The following FMNL3 variants were observed in gnomAD, a reference collection of about 807,000 sequenced individuals.
FMNL3 encodes the protein formin-like protein 3.
A neutral mutation model predicts 119.6 loss-of-function variants in FMNL3; 57 were observed. The ratio of observed to expected loss-of-function variants is 0.48; its 90% confidence interval spans 0.39 to 0.59. FMNL3 has a LOEUF of 0.59. Ranked by LOEUF, FMNL3 falls within the 20% of genes least tolerant of loss-of-function variation. The pLI is 0.00. For missense variants in FMNL3, 1,053 were observed against 1,323.5 expected, an observed-to-expected ratio of 0.80 and a Z score of 3.17; for synonymous variants, 491 against 507.3, an observed-to-expected ratio of 0.97 and a Z score of 0.43.
At chr12:49,674,989 C>T (rs545607559) in intron 1 of FMNL3, among the ~76,000 whole-genome samples, 3 of 152,298 alleles carry the variant, frequency 2.0e-5, no homozygotes, top group African/African-American at 2.4e-5. Context: ...CAATTATACC[C>T]CCGGGGCCTC....
At chr12:49,652,895 C>G (rs2138750687) in intron 13 of FMNL3, among the ~76,000 whole-genome samples, 1 of 152,234 alleles carries the variant, frequency 6.6e-6, no homozygotes, top group Non-Finnish European at 1.5e-5. Context: ...GCTCATTAAA[C>G]ATGGCTGGGG....
At chr12:49,669,984 C>T (rs1373139531) in intron 1 of FMNL3, among the ~76,000 whole-genome samples, 4 of 152,258 alleles carry the variant, frequency 2.6e-5, no homozygotes, top group African/African-American at 7.2e-5. Flanking sequence ...GTCGCAGCTG[C>T]GTGATCACCC....
At chr12:49,693,204 G>A (rs1241959870) in intron 1 of FMNL3, among the ~76,000 whole-genome samples, 8 of 152,118 alleles carry the variant, frequency 5.3e-5, no homozygotes, top group Admixed American at 5.2e-4. Context: ...GTGGAGAATG[G>A]GTGGGAAGAT....
At position 49,645,801 on chromosome 12, in the gene FMNL3, C is replaced by T; in HGVS notation, c.*14G>A. The T allele has an allele frequency of 2.5e-6, 4 of 1,593,000 alleles. No individual in the cohort carries two copies. The highest frequency in any genetic ancestry group is 3.4e-6 in the Non-Finnish European group (4 of 1,172,626). Reference sequence around the variant, plus strand: ...GACTCTGAGGGGTGAAGTGCTTCTGCCTCCGAGAGGGTCTCAGTGGGGGCC... The same window carrying T: ...GACTCTGAGGGGTGAAGTGCTTCTGTCTCCGAGAGGGTCTCAGTGGGGGCC... On this transcript the variant is annotated 3_prime_UTR_variant, in exon 26 of 26. Transcript: ENST00000335154.
chr12:49,703,506 CT>C (rs1358119389), intron 1 of FMNL3, among the ~76,000 whole-genome samples: 1 of 151,826 alleles, frequency 6.6e-6, no homozygotes, highest in Non-Finnish European at 1.5e-5. Context: ...GCTTCACAAC[CT>C]TTTTCCCATC....
At chr12:49,652,521 C>T (rs547007416) in intron 13 of FMNL3, among the ~76,000 whole-genome samples, 11 of 152,304 alleles carry the variant, frequency 7.2e-5, no homozygotes, top group Admixed American at 3.9e-4. Flanking sequence ...CTTAATCTAC[C>T]ACCGGTCTGA....
chr12:49,688,575 CATCCCCCAG>C, intron 1 of FMNL3: 1 of 455,350 alleles, frequency 2.2e-6, no homozygotes, highest in Non-Finnish European at 4.4e-6. Context: ...CTAGAAAACT[CATCCCCCAG>C]ATCTTTATAT....
rs767944850 is a variant in FMNL3 at position 49,642,248 on chromosome 12, C to G, written c.*3567G>C. On this transcript the variant is annotated 3_prime_UTR_variant, in exon 26 of 26. Transcript: ENST00000335154. The surrounding 1 kb of genome is among the most constrained non-coding windows in gnomAD (Gnocchi z 5.8). ...TTCTTTCCTCAGCTGCTGGAGAAAG[C>G]AGAGGCACGGGAGAGGGAGCGGGAG... 40 of 1,614,028 alleles carry G rather than the reference C, an allele frequency of 2.5e-5. No individual in the cohort carries two copies. The highest frequency in any genetic ancestry group is 3.1e-5 in the Non-Finnish European group (37 of 1,180,018).
chr12:49,643,815 C>T lies in FMNL3; in HGVS notation c.*2000G>A, dbSNP rs945655880. 1.9e-6 allele frequency: 3 copies of T among 1,613,852 alleles called. No homozygotes were observed. Among genetic ancestry groups the T allele is most frequent in the Non-Finnish European group, 2.5e-6 (3 of 1,179,882 alleles). On this transcript the variant is annotated 3_prime_UTR_variant, in exon 26 of 26. Transcript: ENST00000335154. The stretch of plus-strand genomic sequence containing the variant: ...TGTGAGTTCTGTTCTACCTGCCTCC[C>T]AGGCTATCCACAGGAACTGAGGAGG...
Position 49,661,949 on chromosome 12 carries a change from C to A in FMNL3, c.452+17G>T, listed in dbSNP as rs1943746445. 4 of 1,613,180 alleles carry A rather than the reference C, an allele frequency of 2.5e-6. No homozygotes were observed. The African/African-American group carries it at 5.3e-5, about 22-fold the overall frequency. ...CCCCCAACTGGTCCCCAACTTCAGCCCCGGGGTGGTACTCACATGACAGAA... is the reference window on the plus strand; with the variant it reads ...CCCCCAACTGGTCCCCAACTTCAGCACCGGGGTGGTACTCACATGACAGAA... On this transcript the variant is annotated intron_variant, in intron 5 of 25. Transcript: ENST00000335154.
At position 49,651,429 on chromosome 12, in the gene FMNL3, G is replaced by T. The variant is rs762722398; in HGVS notation, c.1625C>A (p.Pro542His). The T allele has an allele frequency of 3.4e-6, 5 of 1,492,298 alleles. No homozygotes were observed. The highest frequency in any genetic ancestry group is 1.4e-5 in the African/African-American group (1 of 71,554). 92.4% of individuals were successfully genotyped at this position (1,492,298 alleles called of 1,614,324 possible). A position where few individuals can be genotyped will look rare whatever the true frequency, so the allele number is the denominator to read the frequency against. Reference sequence around the variant, plus strand: ...CACAGAGGGTGCAGCACCAGGGAGAGGTGGGGCTGGGGGACACTTGTCTGG... The same window carrying T: ...CACAGAGGGTGCAGCACCAGGGAGATGTGGGGCTGGGGGACACTTGTCTGG... ...PLPDKCPPAP[P>H]LPGAAPSVVL... is the part of the protein sequence containing the mutation. The change falls in exon 15 of 26, where the codon CCT becomes CAT. Residue 542 changes from proline (P) to histidine (H), a missense_variant. By Grantham distance (77) the Pro-to-His change is moderately conservative. Around this residue, in one of 4 missense-constraint regions of FMNL3, gnomAD observed 445 missense variants for 628.4 expected, o/e 0.71. Coordinates refer to ENST00000335154, the MANE Select transcript of FMNL3 (RefSeq NM_175736.5).
intron 1 of FMNL3, among the ~76,000 whole-genome samples, chr12:49,676,608 A>G (rs1051205502): frequency 1.5e-5 from 2 of 133,886 alleles, no homozygotes; most frequent in African/African-American, 5.6e-5. Context: ...GGGCCGTCTT[A>G]TCCTTCTTTG....
At chr12:49,698,391 A>G (rs984516599) in intron 1 of FMNL3, among the ~76,000 whole-genome samples, 20 of 152,190 alleles carry the variant, frequency 1.3e-4, no homozygotes, top group Non-Finnish European at 2.9e-4. Flanking sequence ...CTGCCATGTA[A>G]ATAATTCTGC....
intron 8 of FMNL3, 58 bp from the exon 9 acceptor site, chr12:49,656,555 C>A: frequency 6.8e-7 from 1 of 1,468,020 alleles, no homozygotes. Context: ...AACCACACAG[C>A]TCATTTCCCT....
chr12:49,655,023 A>G (rs1943528764), intron 9 of FMNL3, 39 bp from the exon 10 acceptor site: 1 of 1,594,076 alleles, frequency 6.3e-7, no homozygotes, highest in Non-Finnish European at 8.6e-7. Context: ...GATCTGCTCC[A>G]TGCAGAACCC....
chr12:49,672,661 G>T (rs1944077894), intron 1 of FMNL3, among the ~76,000 whole-genome samples: 1 of 152,180 alleles, frequency 6.6e-6, no homozygotes, highest in Non-Finnish European at 1.5e-5. Context: ...CAGCTCTGGT[G>T]GCAGAGGTTC....
rs373386954 is a variant in FMNL3, at chr12:49,659,906, C to T, written c.453-1312G>A. On this transcript the variant is annotated intron_variant, in intron 5 of 25. Transcript: ENST00000335154. ...AGCATCTCTTACAGGTTCTTCTCCC[C>T]CAAGAAGCATTCTGCTCAGACATGG... 3.7e-5 allele frequency: 36 copies of T among 985,422 alleles called. No individual in the cohort carries two copies. In the East Asian group the frequency reaches 9.1e-4, roughly 25 times the overall value. The allele number at this position is 985,422 out of a possible 1,614,324, so 61.0% of individuals were successfully genotyped here.
intron 16 of FMNL3, 80 bp downstream of exon 16, chr12:49,651,088 T>G (rs1021018797): frequency 2.6e-5 from 41 of 1,579,356 alleles, no homozygotes; most frequent in African/African-American, 6.8e-5. Flanking sequence ...CTGATGGCTT[T>G]TCTAAGACCA....
intron 1 of FMNL3, among the ~76,000 whole-genome samples, chr12:49,685,104 C>A (rs540707936): frequency 6.6e-6 from 1 of 152,296 alleles, no homozygotes; most frequent in South Asian, 2.1e-4. Context: ...CTCTACCACC[C>A]CAGAGTTCAA....
Sources: allele counts gnomAD v4.1 joint callset (sites outside exome capture counted in the v4.1 genomes callset), GRCh38; gene constraint gnomAD v4.1.1; regional missense constraint gnomAD v4.1.1; non-coding constraint Gnocchi (gnomAD v3.1); transcripts MANE v1.5; gene names NCBI Gene and HGNC (gene_info 2026-07-23, HGNC 2026-07-21).